NOX1: variants seen among roughly 807,000 people sequenced by gnomAD.
NOX1 encodes NADH/NADPH mitogenic oxidase subunit P65-MOX.
Under a neutral mutation model 42.5 loss-of-function variants are expected in NOX1, and 34 were observed. The ratio of observed to expected loss-of-function variants is 0.80; its 90% CI spans 0.61 to 1.07. NOX1 has a LOEUF of 1.07. NOX1 is among the 50% of genes least tolerant of loss of function. NOX1 has a pLI of 0.00. For synonymous variants in NOX1, 143 were observed against 152.5 expected (o/e 0.94, Z 0.46); for missense variants, 408 against 427.0 (o/e 0.96, Z 0.39).
intron 12 of NOX1, among the ~76,000 whole-genome samples, 157 bp from the exon 13 acceptor site, chrX:100,844,235 C>T (rs2085056656): frequency 9.0e-6 from 1 of 111,514 alleles, no homozygotes. Context: ...TTTCTGCGCA[C>T]AAACCCCAAA....
intron 7 of NOX1, among the ~76,000 whole-genome samples, chrX:100,852,182 T>C (rs975937386): frequency 6.2e-5 from 7 of 112,356 alleles, no homozygotes; most frequent in Non-Finnish European, 1.3e-4. Context: ...TAAAGGCAGC[T>C]TTTTGGCCAG....
chrX:100,859,708 G>GTT (rs765160622), intron 7 of NOX1, among the ~76,000 whole-genome samples: 94 of 91,131 alleles, frequency 1.0e-3, no homozygotes, highest in African/African-American at 3.5e-3. Flanking sequence ...CTTCTAGGTT[G>GTT]TTTTTTTTTT....
intron 2 of NOX1, among the ~76,000 whole-genome samples, chrX:100,868,231 T>C (rs1055108978): frequency 1.8e-5 from 2 of 112,027 alleles, no homozygotes; most frequent in African/African-American, 6.5e-5. Context: ...GATCTCAACA[T>C]GGATTCTTTG....
intron 1 of NOX1, among the ~76,000 whole-genome samples, chrX:100,872,223 T>A (rs777485553): frequency 8.9e-6 from 1 of 111,768 alleles, no homozygotes; most frequent in Non-Finnish European, 1.9e-5. Flanking sequence ...GAAAAGAAAG[T>A]CAACAGTCAC....
chrX:100,871,620 T>C (rs2085275036), intron 1 of NOX1, among the ~76,000 whole-genome samples: 1 of 112,241 alleles, frequency 8.9e-6, no homozygotes, highest in South Asian at 3.8e-4. Context: ...GTTCTGTCTC[T>C]GCACTGGCTA....
intron 7 of NOX1, among the ~76,000 whole-genome samples, chrX:100,854,620 T>G (rs1366587658): frequency 1.8e-5 from 2 of 112,291 alleles, no homozygotes; most frequent in Non-Finnish European, 3.8e-5. Context: ...CACATGATAA[T>G]GGATGATACA....
chrX:100,874,246 G>C lies in NOX1; in HGVS notation c.-107C>G, dbSNP rs887957030. On this transcript the variant is annotated 5_prime_UTR_variant, in exon 1 of 13. Transcript: ENST00000372966. ...AACATTTGTCCAGCGCAGGGTCTGT[G>C]AGCCTTTAAGATGTGAAAAACACAC... 5.6e-6 allele frequency: 3 copies of C among 531,327 alleles called. No homozygotes were observed. Among genetic ancestry groups the C allele is most frequent in the East Asian group, 6.8e-5 (2 of 29,600 alleles). The allele number at this position is 531,327 out of a possible 1,213,427, so 43.8% of individuals were successfully genotyped here.
chrX:100,872,760 C>A (rs1313134140), intron 1 of NOX1, among the ~76,000 whole-genome samples: 1 of 110,038 alleles, frequency 9.1e-6, no homozygotes, highest in Non-Finnish European at 1.9e-5. Flanking sequence ...CTCCCCTGCC[C>A]AATTCCCCCC....
Position 100,850,952 on chromosome X carries a change from G to A in NOX1, c.897+281C>T, listed in dbSNP as rs185386489. The stretch of plus-strand genomic sequence containing the variant: ...CCTCCCGGGTTCAAGCGATTCTCCC[G>A]CCTCAGCCTCCCAAGTAGCTGGAAT... On this transcript the variant is annotated intron_variant, in intron 8 of 12. Coordinates refer to ENST00000372966, the MANE Select transcript of NOX1 (RefSeq NM_007052.5). Among the ~76,000 whole-genome samples, 252 of 110,511 alleles carry A rather than the reference G, an allele frequency of 2.3e-3. 1 individual carries two copies. The highest frequency in any genetic ancestry group is 7.7e-3 in the African/African-American group (235 of 30,383).
At chrX:100,871,882 G>A (rs2085277167) in intron 1 of NOX1, among the ~76,000 whole-genome samples, 1 of 111,976 alleles carries the variant, frequency 8.9e-6, no homozygotes, top group Non-Finnish European at 1.9e-5. Context: ...GTGATTTAAA[G>A]TGTGATATTG....
chrX:100,848,007 C>T (rs1023400475), intron 12 of NOX1, among the ~76,000 whole-genome samples: 10 of 110,736 alleles, frequency 9.0e-5, no homozygotes, highest in Admixed American at 7.7e-4. Flanking sequence ...GTCCCCTCCC[C>T]GCAAAAATGC....
Position 100,862,253 on chromosome X carries a change from C to G in NOX1, c.722G>C (p.Arg241Pro). 4 of 1,210,470 alleles carry G rather than the reference C, an allele frequency of 3.3e-6. No homozygotes were observed. Among genetic ancestry groups the G allele is most frequent in the Non-Finnish European group, 4.5e-6 (4 of 894,635 alleles). The change falls in exon 7 of 13, where the codon CGC becomes CCC. Residue 241 changes from arginine (R) to proline (P), a missense_variant. Arg to Pro is a moderately radical substitution (Grantham distance 103). Transcript: ENST00000372966. The stretch of plus-strand genomic sequence containing the variant: ...CATCTCAAAAGACTCTGCACACTTG[C>G]GAGGATGACTCTCATTCATGCTCTC... The part of the protein sequence containing the change: ...TEESMNESHP[R>P]KCAESFEMWD...
rs1028233299 is a variant in NOX1 at position 100,850,406 on chromosome X, A to G, written c.898-20T>C. On this transcript the variant is annotated intron_variant, in intron 8 of 12. Coordinates refer to ENST00000372966, the MANE Select transcript of NOX1 (RefSeq NM_007052.5). ...AACAACCTGTGAATGAAGCACATAG[A>G]CCAAAGAAAGCAAACTCTAATGACG... 5 of 1,064,674 alleles carry G rather than the reference A, an allele frequency of 4.7e-6. No individual in the cohort carries two copies. In the Admixed American group the frequency reaches 1.4e-4, roughly 30 times the overall value. 87.7% of individuals were successfully genotyped at this position (1,064,674 alleles called of 1,213,427 possible). A position where few individuals can be genotyped will look rare whatever the true frequency, so the allele number is the denominator to read the frequency against.
chrX:100,844,989 G>C (rs919025743), intron 12 of NOX1, among the ~76,000 whole-genome samples: 4 of 111,355 alleles, frequency 3.6e-5, no homozygotes. Context: ...TTCCAACTAT[G>C]CTCTGGGTCT....
rs2085103617 is a variant in NOX1 at position 100,850,157 on chromosome X, A to C, written c.1127T>G (p.Ile376Ser). ...IRAFEQQYSPIPRIEVDGPFG... is the reference protein window; with the variant it reads ...IRAFEQQYSPSPRIEVDGPFG... The stretch of plus-strand genomic sequence containing the variant: ...CCTGGTCTCAAGGACCTACCTGGGA[A>C]TTGGTGAATATTGTTGTTCGAAAGC... Residue 376 changes from isoleucine to serine, a missense_variant, in exon 9 of 13, where the codon ATT becomes AGT. By Grantham distance (142) the Ile-to-Ser change is moderately radical. Transcript: ENST00000372966. 8.3e-7 allele frequency: 1 copy of C among 1,201,392 alleles called. No individual in the cohort carries two copies. The highest frequency in any genetic ancestry group is 2.2e-5 in the Admixed American group (1 of 45,653).
intron 7 of NOX1, chrX:100,856,218 T>C (rs994801568): frequency 2.0e-6 from 2 of 992,496 alleles, no homozygotes; most frequent in African/African-American, 3.8e-5. Context: ...CCACAGCCCC[T>C]GGAGCGCTTG....
intron 7 of NOX1, chrX:100,855,487 C>G (rs1569446406): frequency 2.7e-6 from 2 of 744,806 alleles, no homozygotes; most frequent in East Asian, 6.3e-5. Context: ...CCACCACCTC[C>G]AAAATTGCTT....
intron 3 of NOX1, 27 bp from the exon 4 acceptor site, chrX:100,863,270 G>C: frequency 9.0e-7 from 1 of 1,105,120 alleles, no homozygotes; most frequent in East Asian, 3.0e-5. Context: ...ATCATGGTCA[G>C]ATGTCGCCAG....
At chrX:100,865,995 T>G (rs970905525) in intron 2 of NOX1, among the ~76,000 whole-genome samples, 2 of 111,677 alleles carry the variant, frequency 1.8e-5, no homozygotes, top group African/African-American at 6.5e-5. Flanking sequence ...CCAAAGCGGG[T>G]GGATCACTTG....
Sources: gnomAD v4.1 joint callset for allele counts (sites outside exome capture counted in the v4.1 genomes callset) on GRCh38, gnomAD v4.1.1 for gene constraint, MANE v1.5 for transcripts, NCBI Gene and HGNC (gene_info 2026-07-23, HGNC 2026-07-21) for gene names.